TENM2: variants seen among roughly 807,000 people sequenced by gnomAD.
The protein encoded by TENM2 is teneurin transmembrane protein 2.
In TENM2, 52 loss-of-function variants were observed where a neutral mutation model predicts 245.2. That is an observed-to-expected ratio of 0.21 (90% confidence interval 0.17 to 0.27). The LOEUF (loss-of-function observed/expected upper bound fraction) is 0.27, where lower values mean the gene tolerates loss of function less well. TENM2 is among the 10% of genes least tolerant of loss of function. TENM2 has a pLI of 1.00. For synonymous variants in TENM2, 1,363 were observed against 1,438.9 expected (o/e 0.95, Z 1.19); for missense variants, 3,046 against 3,666.8 (o/e 0.83, Z 4.37).
At chr5:167,475,526 G>A (rs1043662205) in intron 2 of TENM2, among the ~76,000 whole-genome samples, 7 of 151,648 alleles carry the variant, frequency 4.6e-5, no homozygotes, top group African/African-American at 1.7e-4. Context: ...TGTGCTGAAC[G>A]TGCGGGTTTG....
At chr5:167,041,801 C>G in the TENM2 span, among the ~76,000 whole-genome samples, 1 of 152,130 alleles carries the variant, frequency 6.6e-6, no homozygotes, top group East Asian at 1.9e-4. Context: ...CAAACCTCCC[C>G]CCTCCAAAAG....
chr5:167,802,139 T>C (rs183519039), intron 2 of TENM2, among the ~76,000 whole-genome samples: 40 of 152,270 alleles, frequency 2.6e-4, no homozygotes, highest in Non-Finnish European at 4.0e-4. Context: ...AATCCATTCA[T>C]GAGGGCAGAG....
chr5:168,170,365 A>G (rs1758695147), intron 13 of TENM2, among the ~76,000 whole-genome samples: 1 of 152,120 alleles, frequency 6.6e-6, no homozygotes. Context: ...TTAGCCGGGC[A>G]TAGTGGCTCA....
intron 3 of TENM2, among the ~76,000 whole-genome samples, chr5:167,891,267 C>T (rs1583293334): frequency 6.6e-6 from 1 of 152,072 alleles, no homozygotes; most frequent in Non-Finnish European, 1.5e-5. Flanking sequence ...TGCACAATTA[C>T]TCTCTTTTTT....
At chr5:167,611,193 G>A (rs560885550) in intron 2 of TENM2, among the ~76,000 whole-genome samples, 1 of 152,194 alleles carries the variant, frequency 6.6e-6, no homozygotes, top group South Asian at 2.1e-4. Context: ...CACTTATAGT[G>A]TACCCTTTTC....
intron 2 of TENM2, among the ~76,000 whole-genome samples, chr5:167,641,962 GA>G (rs1779642027): frequency 6.6e-6 from 1 of 151,866 alleles, no homozygotes; most frequent in Non-Finnish European, 1.5e-5. Flanking sequence ...CCAACATGGT[GA>G]AACCCCGTTT....
intron 2 of TENM2, among the ~76,000 whole-genome samples, chr5:167,436,002 G>A (rs1381220696): frequency 1.8e-5 from 2 of 112,160 alleles, no homozygotes; most frequent in Non-Finnish European, 3.6e-5. Flanking sequence ...TTTTGAGACA[G>A]AGTTTTGCTG....
At chr5:167,644,856 A>G (rs1779829214) in intron 2 of TENM2, among the ~76,000 whole-genome samples, 1 of 152,152 alleles carries the variant, frequency 6.6e-6, no homozygotes, top group Non-Finnish European at 1.5e-5. Context: ...CATCAAGAAT[A>G]TGTTCTGAGA....
chr5:167,544,661 A>G (rs773801849), intron 2 of TENM2, among the ~76,000 whole-genome samples: 2 of 152,184 alleles, frequency 1.3e-5, no homozygotes, highest in Non-Finnish European at 2.9e-5. Flanking sequence ...TCATTTATTC[A>G]TCCATTCATC....
At chr5:167,474,650 G>A (rs1243515955) in intron 2 of TENM2, among the ~76,000 whole-genome samples, 1 of 152,020 alleles carries the variant, frequency 6.6e-6, no homozygotes, top group Non-Finnish European at 1.5e-5. Context: ...GAGTAGCTGG[G>A]ATTACAGGCG....
chr5:167,828,921 A>G (rs952614884), intron 2 of TENM2, among the ~76,000 whole-genome samples: 4 of 152,334 alleles, frequency 2.6e-5, no homozygotes, highest in African/African-American at 9.6e-5. Flanking sequence ...TGGTTAAGAC[A>G]GGGTTCTCTG....
intron 2 of TENM2, among the ~76,000 whole-genome samples, chr5:167,498,673 T>C (rs1768972061): frequency 6.6e-6 from 1 of 151,966 alleles, no homozygotes; most frequent in Non-Finnish European, 1.5e-5. Flanking sequence ...CCCCACCCCG[T>C]GCGGCATCAC....
chr5:167,279,532 T>TCCTTC, the TENM2 span, among the ~76,000 whole-genome samples: 84 of 139,230 alleles, frequency 6.0e-4, no homozygotes, highest in African/African-American at 2.4e-3. Context: ...CTTCCTTCCT[T>TCCTTC]CCTTCCTTCC....
At chr5:167,734,395 G>A (rs1369516226) in intron 2 of TENM2, among the ~76,000 whole-genome samples, 1 of 150,934 alleles carries the variant, frequency 6.6e-6, no homozygotes, top group Non-Finnish European at 1.5e-5. Context: ...ATAACCAGTA[G>A]TTAAAATCTA....
At chr5:167,041,879 A>G in the TENM2 span, among the ~76,000 whole-genome samples, 1 of 152,112 alleles carries the variant, frequency 6.6e-6, no homozygotes, top group Non-Finnish European at 1.5e-5. Flanking sequence ...AATTAGTCTG[A>G]GCCCAAAAGG....
intron 1 of TENM2, among the ~76,000 whole-genome samples, chr5:167,353,130 G>T (rs1296424510): frequency 6.6e-6 from 1 of 152,192 alleles, no homozygotes; most frequent in African/African-American, 2.4e-5. Context: ...CCATACTCAT[G>T]CCTCTAATCT....
At chr5:168,148,756 C>T (rs1199597928) in intron 12 of TENM2, among the ~76,000 whole-genome samples, 6 of 152,086 alleles carry the variant, frequency 3.9e-5, no homozygotes, top group East Asian at 1.9e-4. Flanking sequence ...ATATAAAATA[C>T]GGGCTCCTCT....
chr5:167,210,616 A>C, the TENM2 span, among the ~76,000 whole-genome samples: 31 of 151,700 alleles, frequency 2.0e-4, no homozygotes, highest in Admixed American at 1.5e-3. Context: ...GGCGCCCGCC[A>C]CCGCGCCCGG....
At chr5:167,872,462 G>A (rs1027893616) in intron 2 of TENM2, among the ~76,000 whole-genome samples, 3 of 106,302 alleles carry the variant, frequency 2.8e-5, no homozygotes, top group Admixed American at 2.2e-4. Flanking sequence ...AAGAAAGCAC[G>A]AAAGAAAGAA....
Sources: gnomAD v4.1 joint callset for allele counts (sites outside exome capture counted in the v4.1 genomes callset) on GRCh38, gnomAD v4.1.1 for gene constraint, MANE v1.5 for transcripts, NCBI Gene and HGNC (gene_info 2026-07-23, HGNC 2026-07-21) for gene names.